EXOC6B: variants seen among roughly 807,000 people sequenced by gnomAD.
EXOC6B encodes the protein exocyst complex component 6B.
Under a neutral mutation model 113.5 loss-of-function variants are expected in EXOC6B, and 54 were observed. That is an observed-to-expected ratio of 0.48 (90% CI 0.38 to 0.60). EXOC6B has a LOEUF of 0.60. Among genes scored for constraint, EXOC6B ranks in the 20% least tolerant of loss-of-function variants. The pLI, the probability that EXOC6B is intolerant of heterozygous loss-of-function variation, is 0.00. For synonymous variants in EXOC6B, 357 were observed against 339.0 expected (o/e 1.05, Z -0.58); for missense variants, 797 against 977.5 (o/e 0.82, Z 2.46).
intron 1 of EXOC6B, among the ~76,000 whole-genome samples, chr2:72,820,707 A>G (rs1686534356): frequency 6.6e-6 from 1 of 152,134 alleles, no homozygotes; most frequent in Non-Finnish European, 1.5e-5. Flanking sequence ...GATCAAAATA[A>G]ATCAACCAGG....
intron 16 of EXOC6B, among the ~76,000 whole-genome samples, chr2:72,481,714 G>A (rs1699110016): frequency 1.3e-5 from 2 of 152,066 alleles, no homozygotes; most frequent in African/African-American, 4.8e-5. Flanking sequence ...TCTGTAAAAT[G>A]TCAATAATAA....
At chr2:72,702,074 C>G (rs1442255318) in intron 6 of EXOC6B, among the ~76,000 whole-genome samples, 2 of 150,982 alleles carry the variant, frequency 1.3e-5, no homozygotes, top group Non-Finnish European at 2.9e-5. Context: ...CTCCCCCCTC[C>G]CACCACCCCA....
intron 17 of EXOC6B, among the ~76,000 whole-genome samples, chr2:72,466,123 T>C (rs1166983029): frequency 6.6e-6 from 1 of 151,938 alleles, no homozygotes; most frequent in Non-Finnish European, 1.5e-5. Flanking sequence ...AGTGGGTGGA[T>C]CACTTGAGGT....
Position 72,804,626 on chromosome 2 carries a change from G to A in EXOC6B, c.113+21172C>T, listed in dbSNP as rs189015697. 1.9e-3 allele frequency among the ~76,000 whole-genome samples: 283 copies of A among 150,422 alleles called. 1 individual carries two copies. Among genetic ancestry groups the A allele is most frequent in the South Asian group, 5.0e-3 (24 of 4,764 alleles). ...TTTTAATTTTTTGAGATGGAGTTTC[G>A]CTCTTGTCACCCAGGCTGGAGTACA... On this transcript the variant is annotated intron_variant, in intron 1 of 21. Transcript: ENST00000272427.
intron 6 of EXOC6B, among the ~76,000 whole-genome samples, chr2:72,617,255 T>C (rs1043361506): frequency 5.3e-5 from 8 of 152,058 alleles, no homozygotes; most frequent in African/African-American, 1.9e-4. Flanking sequence ...GTGGCTTTTC[T>C]AGGAGCATGG....
intron 11 of EXOC6B, among the ~76,000 whole-genome samples, chr2:72,502,105 T>C (rs1365682484): frequency 6.6e-6 from 1 of 152,204 alleles, no homozygotes; most frequent in African/African-American, 2.4e-5. Flanking sequence ...TTGTAGGAAT[T>C]AATAGCATTA....
intron 21 of EXOC6B, among the ~76,000 whole-genome samples, chr2:72,183,314 C>G (rs1678210261): frequency 6.6e-6 from 1 of 152,214 alleles, no homozygotes; most frequent in South Asian, 2.1e-4. Context: ...GTCTTGGTCT[C>G]TGACCTGCCA....
At chr2:72,645,063 A>C (rs1312918705) in intron 6 of EXOC6B, among the ~76,000 whole-genome samples, 1 of 152,162 alleles carries the variant, frequency 6.6e-6, no homozygotes, top group Admixed American at 6.5e-5. Flanking sequence ...AGAGACACAC[A>C]CAGGCTCAAA....
chr2:72,635,517 A>G (rs1290148488), intron 6 of EXOC6B, among the ~76,000 whole-genome samples: 1 of 152,192 alleles, frequency 6.6e-6, no homozygotes, highest in Non-Finnish European at 1.5e-5. Flanking sequence ...CCAATATTAA[A>G]TAGATAATTT....
rs375772989 is a variant in EXOC6B, at chr2:72,297,416, C to T, written c.2196+37531G>A. ...CAAGTAGGCCCCAGTGTCTGTTCTT[C>T]CCCTCTTTGTGTCTGTGTGTTCCCA... On this transcript the variant is annotated intron_variant, in intron 20 of 21. Transcript: ENST00000272427. 2.6e-5 allele frequency among the ~76,000 whole-genome samples: 4 copies of T among 152,254 alleles called. No individual in the cohort carries two copies. In the East Asian group the frequency reaches 7.7e-4, roughly 29 times the overall value.
intron 7 of EXOC6B, among the ~76,000 whole-genome samples, chr2:72,567,631 C>T (rs867590310): frequency 1.2e-4 from 19 of 152,034 alleles, no homozygotes; most frequent in African/African-American, 3.9e-4. Flanking sequence ...TTAGAACTCT[C>T]TGAAGAAACG....
At chr2:72,495,677 T>C (rs1021283020) in intron 14 of EXOC6B, 138 bp from the exon 15 acceptor site, 1 of 597,626 alleles carries the variant, frequency 1.7e-6, no homozygotes, top group Non-Finnish European at 3.0e-6. Context: ...TAAGAAAATA[T>C]CTCCCAAAGT....
At chr2:72,355,155 C>G (rs548580791) in intron 19 of EXOC6B, among the ~76,000 whole-genome samples, 1 of 152,196 alleles carries the variant, frequency 6.6e-6, no homozygotes, top group African/African-American at 2.4e-5. Flanking sequence ...TGTGCCAGCT[C>G]CTACAGAGAA....
intron 6 of EXOC6B, among the ~76,000 whole-genome samples, chr2:72,689,661 C>G (rs986907428): frequency 1.3e-5 from 2 of 152,146 alleles, no homozygotes; most frequent in African/African-American, 4.8e-5. Flanking sequence ...TGCCAGGATC[C>G]TTACTCACAC....
At chr2:72,538,626 T>C (rs868003410) in intron 8 of EXOC6B, among the ~76,000 whole-genome samples, 8 of 152,162 alleles carry the variant, frequency 5.3e-5, no homozygotes, top group Non-Finnish European at 5.9e-5. Context: ...CCTACCACAT[T>C]AGATAGCACA....
intron 8 of EXOC6B, among the ~76,000 whole-genome samples, chr2:72,548,142 T>A (rs1703009523): frequency 6.6e-6 from 1 of 152,116 alleles, no homozygotes; most frequent in Admixed American, 6.5e-5. Flanking sequence ...AAGTTTGCCC[T>A]TCCTGCCAAA....
chr2:72,629,402 A>T lies in EXOC6B; in HGVS notation c.670-53734T>A, dbSNP rs998956211. On this transcript the variant is annotated intron_variant, in intron 6 of 21. Coordinates refer to ENST00000272427, the MANE Select transcript of EXOC6B (RefSeq NM_015189.3). Reference sequence around the variant, plus strand: ...TTAGTTATTTAAGATATAAGAATAGAAATTTCACAATAACTCAAGATAAAA... The same window carrying T: ...TTAGTTATTTAAGATATAAGAATAGTAATTTCACAATAACTCAAGATAAAA... Among the ~76,000 whole-genome samples the T allele has an allele frequency of 1.4e-4, 22 of 152,346 alleles. 2 individuals carry two copies. The highest frequency in any genetic ancestry group is 4.6e-4 in the African/African-American group (19 of 41,586).
chr2:72,575,137 T>G (rs12476130), intron 7 of EXOC6B, among the ~76,000 whole-genome samples: 140,565 of 152,120 alleles, frequency 0.92, 65,029 homozygotes, highest in East Asian at 0.99. Context: ...TTTTTTGTTT[T>G]TCTGGACTAA....
intron 20 of EXOC6B, among the ~76,000 whole-genome samples, chr2:72,224,994 G>GTGTGTGTGTA (rs908047817): frequency 2.2e-5 from 3 of 137,254 alleles, no homozygotes; most frequent in Admixed American, 7.5e-5. Flanking sequence ...GTGTGTGTGT[G>GTGTGTGTGTA]TATATATATA....
Sources: gnomAD v4.1 joint callset for allele counts (sites outside exome capture counted in the v4.1 genomes callset) on GRCh38, gnomAD v4.1.1 for gene constraint, MANE v1.5 for transcripts, NCBI Gene and HGNC (gene_info 2026-07-23, HGNC 2026-07-21) for gene names.